Variants in PTPRT observed in about 807,000 individuals in gnomAD.
PTPRT encodes the protein receptor-type tyrosine-protein phosphatase T.
In PTPRT, 56 loss-of-function variants were observed where a neutral mutation model predicts 176.8. The ratio of observed to expected loss-of-function variants is 0.32; its 90% CI spans 0.26 to 0.40. PTPRT has a LOEUF of 0.40. Ranked by LOEUF, PTPRT falls within the 10% of genes least tolerant of loss-of-function variation. The probability of loss-of-function intolerance (pLI) is 1.00; values close to 1 mark genes in which losing one functional copy is unlikely to be tolerated. For missense variants in PTPRT, 1,540 were observed against 1,908.2 expected (o/e 0.81, Z 3.60); for synonymous variants, 783 against 739.0 (o/e 1.06, Z -0.96).
chr20:42,139,154 T>C (rs1430534122), intron 18 of PTPRT, among the ~76,000 whole-genome samples: 1 of 152,216 alleles, frequency 6.6e-6, no homozygotes, highest in East Asian at 1.9e-4. Flanking sequence ...TTCTCCTTTA[T>C]GTCTTGCGCT....
chr20:42,878,204 T>C lies in PTPRT; in HGVS notation c.214+7603A>G, dbSNP rs145077668. 3.4e-4 allele frequency among the ~76,000 whole-genome samples: 52 copies of C among 152,250 alleles called. No individual in the cohort carries two copies. The East Asian group carries it at 9.1e-3, about 27-fold the overall frequency. On this transcript the variant is annotated intron_variant, in intron 2 of 30. Transcript: ENST00000373187. ...TGGAAAGGACTTAAATATGCAACAA[T>C]ATGGGGTGATGAAATAAATCGTGGA...
At position 42,119,916 on chromosome 20, in the gene PTPRT, G is replaced by T. The variant is rs772357656; in HGVS notation, c.2884+19C>A. On this transcript the variant is annotated intron_variant, in intron 20 of 30. Coordinates refer to ENST00000373187, the MANE Select transcript of PTPRT (RefSeq NM_007050.6). ...CCCTGAAGCCTCTCTGAGGCACTAG[G>T]TGGAGGGAGGGCACTTACCTTGAGT... is the stretch of plus-strand genomic sequence containing the variant. 1 of 1,605,404 alleles carries T rather than the reference G, an allele frequency of 6.2e-7. No individual in the cohort carries two copies. The highest frequency in any genetic ancestry group is 1.1e-5 in the South Asian group (1 of 90,098).
chr20:42,150,785 C>T (rs759484951), intron 17 of PTPRT, among the ~76,000 whole-genome samples: 5 of 152,208 alleles, frequency 3.3e-5, no homozygotes, highest in South Asian at 2.1e-4. Flanking sequence ...ACAGAAGTAA[C>T]GCAAGGTAAC....
chr20:42,345,575 C>T (rs1326143283), intron 11 of PTPRT, among the ~76,000 whole-genome samples: 1 of 109,044 alleles, frequency 9.2e-6, no homozygotes, highest in Non-Finnish European at 1.9e-5. Flanking sequence ...TATATACATA[C>T]ATATATATGT....
At chr20:42,895,323 G>A (rs1197725296) in intron 1 of PTPRT, among the ~76,000 whole-genome samples, 1 of 152,170 alleles carries the variant, frequency 6.6e-6, no homozygotes, top group Non-Finnish European at 1.5e-5. Flanking sequence ...TGGTGCCTGT[G>A]TACTCTGATG....
At chr20:42,510,285 T>C (rs1178840754) in intron 7 of PTPRT, among the ~76,000 whole-genome samples, 1 of 151,906 alleles carries the variant, frequency 6.6e-6, no homozygotes, top group Non-Finnish European at 1.5e-5. Flanking sequence ...TCCCAGCAAA[T>C]TTGCAGGATG....
chr20:42,843,348 A>T (rs938920641), intron 2 of PTPRT, among the ~76,000 whole-genome samples: 7 of 152,164 alleles, frequency 4.6e-5, no homozygotes, highest in African/African-American at 1.7e-4. Context: ...TCCCTTGGGG[A>T]ATTTTGTTTC....
intron 1 of PTPRT, among the ~76,000 whole-genome samples, chr20:42,967,101 T>G (rs539728609): frequency 6.6e-6 from 1 of 152,184 alleles, no homozygotes; most frequent in African/African-American, 2.4e-5. Flanking sequence ...GTGACATTTG[T>G]GCAAGAGCCC....
At chr20:43,052,516 C>T (rs932133042) in intron 1 of PTPRT, among the ~76,000 whole-genome samples, 2 of 152,144 alleles carry the variant, frequency 1.3e-5, no homozygotes, top group African/African-American at 4.8e-5. Flanking sequence ...CAAATAATTG[C>T]ACAATTCTGA....
At chr20:42,724,388 G>A (rs1363880290) in intron 6 of PTPRT, among the ~76,000 whole-genome samples, 1 of 152,146 alleles carries the variant, frequency 6.6e-6, no homozygotes, top group Non-Finnish European at 1.5e-5. Context: ...GTGGTCAGTG[G>A]GGCTCAGCCA....
At chr20:42,598,012 A>G (rs1428591467) in intron 7 of PTPRT, among the ~76,000 whole-genome samples, 1 of 152,180 alleles carries the variant, frequency 6.6e-6, no homozygotes, top group African/African-American at 2.4e-5. Context: ...TGCCCACAGA[A>G]GCCTTTTCAT....
At chr20:42,091,723 T>C (rs192354431) in intron 27 of PTPRT, among the ~76,000 whole-genome samples, 33 of 152,298 alleles carry the variant, frequency 2.2e-4, no homozygotes, top group African/African-American at 7.7e-4. Context: ...TTGGCTTTGA[T>C]ACTATGTCCA....
chr20:42,927,780 G>C (rs1449719356), intron 1 of PTPRT, among the ~76,000 whole-genome samples: 1 of 152,178 alleles, frequency 6.6e-6, no homozygotes, highest in Non-Finnish European at 1.5e-5. Flanking sequence ...CCCAGGTATG[G>C]TACAGTGAAC....
chr20:42,451,246 G>C (rs1291023716), intron 8 of PTPRT, among the ~76,000 whole-genome samples: 2 of 152,166 alleles, frequency 1.3e-5, no homozygotes, highest in African/African-American at 4.8e-5. Flanking sequence ...GTGAAGGAGG[G>C]AAGGGATGTG....
intron 1 of PTPRT, among the ~76,000 whole-genome samples, chr20:43,090,270 A>AT (rs747388327): frequency 0.068 from 9,754 of 142,720 alleles, 520 homozygotes; most frequent in African/African-American, 0.15. Flanking sequence ...ACAGGTGACT[A>AT]TTTTTTTTTT....
At chr20:42,620,451 A>T (rs947526577) in intron 7 of PTPRT, among the ~76,000 whole-genome samples, 4 of 149,162 alleles carry the variant, frequency 2.7e-5, no homozygotes, top group Admixed American at 6.6e-5. Context: ...GGCCTCCTAG[A>T]GCTGTGGTGG....
intron 7 of PTPRT, among the ~76,000 whole-genome samples, chr20:42,477,030 G>A (rs746014072): frequency 6.6e-6 from 1 of 152,132 alleles, no homozygotes; most frequent in Non-Finnish European, 1.5e-5. Flanking sequence ...TCCTGCAGGG[G>A]GCCTCACATA....
At chr20:42,131,707 G>T (rs1042422802) in intron 18 of PTPRT, among the ~76,000 whole-genome samples, 13 of 152,198 alleles carry the variant, frequency 8.5e-5, no homozygotes, top group African/African-American at 3.1e-4. Flanking sequence ...TATCAAATGT[G>T]ATACTCATGT....
chr20:42,677,117 C>A (rs2075518323), intron 7 of PTPRT, among the ~76,000 whole-genome samples: 1 of 152,084 alleles, frequency 6.6e-6, no homozygotes, highest in African/African-American at 2.4e-5. Context: ...GCAGGAAGCT[C>A]TTAGGGACTA....
Sources: gnomAD v4.1 joint callset for allele counts (sites outside exome capture counted in the v4.1 genomes callset) on GRCh38, gnomAD v4.1.1 for gene constraint, MANE v1.5 for transcripts, NCBI Gene and HGNC (gene_info 2026-07-23, HGNC 2026-07-21) for gene names.